Variants in NRXN3 observed in about 807,000 individuals in gnomAD.
The protein encoded by NRXN3 is neurexin 3.
Under a neutral mutation model 137.6 loss-of-function variants are expected in NRXN3, and 32 were observed. The observed-to-expected ratio is 0.23, with a 90% confidence interval of 0.18 to 0.31. The LOEUF is 0.31. Ranked by LOEUF, NRXN3 falls within the 10% of genes least tolerant of loss-of-function variation. The pLI, the probability that NRXN3 is intolerant of heterozygous loss-of-function variation, is 1.00. For missense variants in NRXN3, 1,574 were observed against 2,062.5 expected, an observed-to-expected ratio of 0.76 and a Z score of 4.59; for synonymous variants, 798 against 784.5, an observed-to-expected ratio of 1.02 and a Z score of -0.29.
chr14:79,355,828 C>G (rs1472170759), intron 15 of NRXN3, among the ~76,000 whole-genome samples: 1 of 152,118 alleles, frequency 6.6e-6, no homozygotes, highest in Non-Finnish European at 1.5e-5. Context: ...TCTATTTCAT[C>G]TCTTGACTAG....
At chr14:78,205,600 A>G (rs1022955447) in intron 1 of NRXN3, among the ~76,000 whole-genome samples, 1 of 152,226 alleles carries the variant, frequency 6.6e-6, no homozygotes, top group Non-Finnish European at 1.5e-5. Flanking sequence ...TATTCCAGGT[A>G]GAGGGAACAG....
chr14:79,753,884 G>T (rs1244371341), intron 19 of NRXN3, among the ~76,000 whole-genome samples: 2 of 151,828 alleles, frequency 1.3e-5, no homozygotes, highest in African/African-American at 2.4e-5. Context: ...GATTCAAAAA[G>T]CAAAGCAAAC....
At chr14:78,673,491 A>C (rs1032232951) in intron 6 of NRXN3, among the ~76,000 whole-genome samples, 2 of 152,184 alleles carry the variant, frequency 1.3e-5, no homozygotes, top group African/African-American at 4.8e-5. Flanking sequence ...AACACATGTC[A>C]AGTTTGGGGT....
At chr14:79,155,087 C>T (rs936373960) in intron 15 of NRXN3, among the ~76,000 whole-genome samples, 1 of 151,828 alleles carries the variant, frequency 6.6e-6, no homozygotes, top group Non-Finnish European at 1.5e-5. Flanking sequence ...TCCTCCCCGT[C>T]GTGGAAAATT....
At chr14:79,709,860 T>TATTA (rs2098796302) in intron 19 of NRXN3, among the ~76,000 whole-genome samples, 4 of 152,102 alleles carry the variant, frequency 2.6e-5, no homozygotes. Context: ...CATTTCTCAT[T>TATTA]ATTATTATTA....
At position 78,408,490 on chromosome 14, in the gene NRXN3, T is replaced by C. The variant is rs1009143461; in HGVS notation, c.757+110630T>C. On this transcript the variant is annotated intron_variant, in intron 4 of 20. Transcript: ENST00000335750. ...CTTGCTTTCTTTGGTGGTGAATCTCTTTCACCATCAGAATTGCCTCCCTCC... is the reference window on the plus strand; with the variant it reads ...CTTGCTTTCTTTGGTGGTGAATCTCCTTCACCATCAGAATTGCCTCCCTCC... Among the ~76,000 whole-genome samples the C allele has an allele frequency of 3.3e-5, 5 of 152,248 alleles. No individual in the cohort carries two copies. The East Asian group carries it at 9.6e-4, about 29-fold the overall frequency.
chr14:79,060,941 T>G (rs2099673473), intron 15 of NRXN3, among the ~76,000 whole-genome samples: 1 of 152,140 alleles, frequency 6.6e-6, no homozygotes, highest in South Asian at 2.1e-4. Flanking sequence ...GCATCACTGA[T>G]TATATCAAAT....
intron 3 of NRXN3, among the ~76,000 whole-genome samples, chr14:78,282,748 G>T (rs147425242): frequency 2.6e-5 from 4 of 152,322 alleles, no homozygotes; most frequent in African/African-American, 9.6e-5. Context: ...TGTCCTTGGG[G>T]AGGGGACCTG....
chr14:79,852,126 A>T (rs2293841), intron 20 of NRXN3, among the ~76,000 whole-genome samples: 64,760 of 151,678 alleles, frequency 0.43, 14,427 homozygotes, highest in East Asian at 0.56. Context: ...AAAATATGCC[A>T]TCTAAAGGCT....
intron 2 of NRXN3, among the ~76,000 whole-genome samples, chr14:78,264,280 C>A (rs1189022058): frequency 6.6e-6 from 1 of 152,172 alleles, no homozygotes; most frequent in African/African-American, 2.4e-5. Context: ...TTCCCAACCC[C>A]TCTGCTGAGC....
At chr14:78,503,084 G>A (rs144008715) in intron 4 of NRXN3, among the ~76,000 whole-genome samples, 13 of 152,052 alleles carry the variant, frequency 8.5e-5, no homozygotes, top group Admixed American at 7.9e-4. Context: ...TATGAGGATG[G>A]GTAAATGTCT....
At chr14:79,698,336 G>T (rs2098742647) in intron 19 of NRXN3, among the ~76,000 whole-genome samples, 2 of 151,924 alleles carry the variant, frequency 1.3e-5, no homozygotes, top group South Asian at 2.1e-4. Flanking sequence ...ACATTCTCCA[G>T]ATGGCTTTGC....
At chr14:78,502,205 A>G (rs910556605) in intron 4 of NRXN3, among the ~76,000 whole-genome samples, 2 of 152,216 alleles carry the variant, frequency 1.3e-5, no homozygotes, top group East Asian at 1.9e-4. Context: ...CAATCACGTG[A>G]ACAGTATTTC....
intron 15 of NRXN3, among the ~76,000 whole-genome samples, chr14:79,259,361 T>C (rs978039599): frequency 6.6e-6 from 1 of 152,106 alleles, no homozygotes; most frequent in Non-Finnish European, 1.5e-5. Context: ...CTGTTTCACA[T>C]GATCTCATAC....
chr14:78,696,332 C>G (rs758230457), intron 6 of NRXN3, among the ~76,000 whole-genome samples: 1 of 151,950 alleles, frequency 6.6e-6, no homozygotes, highest in Non-Finnish European at 1.5e-5. Flanking sequence ...CCAGTTTTCT[C>G]AATTGTAAAA....
chr14:79,696,404 T>C (rs2098735550), intron 18 of NRXN3, among the ~76,000 whole-genome samples: 1 of 151,944 alleles, frequency 6.6e-6, no homozygotes. Flanking sequence ...CGTTGTTTGA[T>C]CACTAAGTAG....
At chr14:78,888,572 G>A (rs544439361) in intron 10 of NRXN3, among the ~76,000 whole-genome samples, 24 of 152,112 alleles carry the variant, frequency 1.6e-4, no homozygotes, top group African/African-American at 5.3e-4. Context: ...GAAGTGCCGA[G>A]CAGTGTGTTA....
intron 4 of NRXN3, among the ~76,000 whole-genome samples, chr14:78,313,920 G>A (rs1051983584): frequency 6.6e-5 from 10 of 152,112 alleles, no homozygotes; most frequent in Non-Finnish European, 1.5e-4. Flanking sequence ...CCTCTCGACA[G>A]TAACAATAAA....
intron 1 of NRXN3, among the ~76,000 whole-genome samples, chr14:78,177,031 G>A (rs1042908340): frequency 1.3e-5 from 2 of 152,188 alleles, no homozygotes; most frequent in Admixed American, 1.3e-4. Context: ...CCCCATTCCA[G>A]TGGGGTGCTC....
Sources: allele counts gnomAD v4.1 joint callset (sites outside exome capture counted in the v4.1 genomes callset), GRCh38; gene constraint gnomAD v4.1.1; transcripts MANE v1.5; gene names NCBI Gene and HGNC (gene_info 2026-07-23, HGNC 2026-07-21).